Variants in WDFY3 observed in about 807,000 individuals in gnomAD.
The protein encoded by WDFY3 is WD repeat and FYVE domain-containing protein 3.
Under a neutral mutation model 409.6 loss-of-function variants are expected in WDFY3, and 66 were observed. That is an observed-to-expected ratio of 0.16 (90% CI 0.13 to 0.20). The LOEUF (loss-of-function observed/expected upper bound fraction) is 0.20. Ranked by LOEUF, WDFY3 falls within the 10% of genes least tolerant of loss-of-function variation. The pLI, the probability that WDFY3 is intolerant of heterozygous loss-of-function variation, is 1.00. For synonymous variants in WDFY3, 1,521 were observed against 1,537.1 expected (o/e 0.99, Z 0.25); for missense variants, 3,031 against 4,298.1 (o/e 0.71, Z 8.24).
intron 42 of WDFY3, 24 bp from the exon 43 acceptor site, chr4:84,735,144 C>T: frequency 6.3e-7 from 1 of 1,589,838 alleles, no homozygotes; most frequent in Non-Finnish European, 8.6e-7. Flanking sequence ...GAAAAAGAGT[C>T]TTAATATTTC....
At chr4:84,806,694 C>T (rs1464458744) in intron 15 of WDFY3, among the ~76,000 whole-genome samples, 1 of 152,136 alleles carries the variant, frequency 6.6e-6, no homozygotes, top group African/African-American at 2.4e-5. Flanking sequence ...GCAACCTCCG[C>T]CTCCTTCGTT....
intron 3 of WDFY3, among the ~76,000 whole-genome samples, chr4:84,875,662 GT>G (rs897962774): frequency 1.3e-5 from 2 of 152,068 alleles, no homozygotes; most frequent in African/African-American, 4.8e-5. Context: ...GTACAAAAAT[GT>G]TTTTTCTTTA....
chr4:84,677,429 C>T (rs373075989), intron 66 of WDFY3, 33 bp from the exon 67 acceptor site: 66 of 1,533,452 alleles, frequency 4.3e-5, no homozygotes, highest in Non-Finnish European at 5.1e-5. Context: ...GGTCACTGCA[C>T]GGAAGGCTTC....
intron 62 of WDFY3, among the ~76,000 whole-genome samples, chr4:84,687,211 T>C (rs1302066472): frequency 6.6e-6 from 1 of 152,014 alleles, no homozygotes; most frequent in Non-Finnish European, 1.5e-5. Context: ...TGGAGCGATC[T>C]TGGCTCACTG....
chr4:84,924,657 T>C (rs759006017), intron 2 of WDFY3, among the ~76,000 whole-genome samples: 4 of 152,198 alleles, frequency 2.6e-5, no homozygotes, highest in South Asian at 2.1e-4. Flanking sequence ...GTCTGCCTTA[T>C]ACTCAATCCT....
In WDFY3 at chr4:84,841,387, T is replaced by C. The variant is rs1010942683; in HGVS notation, c.305-124A>G. On this transcript the variant is annotated intron_variant, in intron 5 of 67. Coordinates refer to ENST00000295888, the MANE Select transcript of WDFY3 (RefSeq NM_014991.6). Reference sequence around the variant, plus strand: ...ATAATTATATCAGCACTATTACATATAGAAAAACTTTAAAAATAGCAATGT... The same window carrying C: ...ATAATTATATCAGCACTATTACATACAGAAAAACTTTAAAAATAGCAATGT... 2.2e-5 allele frequency: 16 copies of C among 738,278 alleles called. No individual in the cohort carries two copies. The East Asian group carries it at 2.3e-4, about 11-fold the overall frequency. 45.7% of individuals were successfully genotyped at this position (738,278 alleles called of 1,614,324 possible). A position where few individuals can be genotyped will look rare whatever the true frequency, so the allele number is the denominator to read the frequency against.
At position 84,788,540 on chromosome 4, in the gene WDFY3, C is replaced by T. The variant is rs566581352; in HGVS notation, c.3670-827G>A. Among the ~76,000 whole-genome samples the T allele has an allele frequency of 4.6e-5, 7 of 152,280 alleles. No individual in the cohort carries two copies. In the East Asian group the frequency reaches 1.3e-3, roughly 29 times the overall value. The stretch of plus-strand genomic sequence containing the variant: ...AGAATCTACAAACCCATTTCAAATG[C>T]AATCATGTATACAAACAAATCAATG... On this transcript the variant is annotated intron_variant, in intron 22 of 67. Transcript: ENST00000295888.
chr4:84,690,096 T>C (rs1729005892), intron 61 of WDFY3, among the ~76,000 whole-genome samples: 1 of 152,140 alleles, frequency 6.6e-6, no homozygotes, highest in South Asian at 2.1e-4. Flanking sequence ...TATCCTTAAG[T>C]ATATGACAAA....
At chr4:84,876,657 T>C (rs565875254) in intron 3 of WDFY3, among the ~76,000 whole-genome samples, 1 of 152,118 alleles carries the variant, frequency 6.6e-6, no homozygotes, top group Admixed American at 6.6e-5. Flanking sequence ...CCTTAGTTCA[T>C]AGTAAGTGGT....
chr4:84,713,254 A>G lies in WDFY3; in HGVS notation c.7962-15T>C, dbSNP rs1249022775. The stretch of plus-strand genomic sequence containing the variant: ...CAGCCAAAAACCTGAAAAATTTAAA[A>G]TAGCGTAAAATTACAAGTGAAGTCT... On this transcript the variant is annotated splice_polypyrimidine_tract_variant and intron_variant, in intron 50 of 67. Transcript: ENST00000295888. 5.0e-6 allele frequency: 8 copies of G among 1,608,614 alleles called. No individual in the cohort carries two copies. The highest frequency in any genetic ancestry group is 1.1e-5 in the South Asian group (1 of 90,964).
intron 41 of WDFY3, 75 bp downstream of exon 41, chr4:84,737,109 T>C (rs887902302): frequency 6.7e-7 from 1 of 1,499,582 alleles, no homozygotes; most frequent in African/African-American, 1.4e-5. Context: ...AATGCTGTAG[T>C]CACATATTTA....
chr4:84,679,823 T>C (rs1324140871), intron 64 of WDFY3, among the ~76,000 whole-genome samples: 1 of 129,816 alleles, frequency 7.7e-6, no homozygotes, highest in African/African-American at 2.9e-5. Context: ...ATATTCTTCA[T>C]ATATATATAT....
intron 1 of WDFY3, among the ~76,000 whole-genome samples, chr4:84,955,659 G>A (rs188061318): frequency 6.6e-6 from 1 of 152,046 alleles, no homozygotes; most frequent in East Asian, 1.9e-4. Flanking sequence ...TACTATTTTT[G>A]CAACTTCCCA....
At chr4:84,853,199 C>T (rs1759270549) in intron 4 of WDFY3, among the ~76,000 whole-genome samples, 1 of 152,146 alleles carries the variant, frequency 6.6e-6, no homozygotes, top group Non-Finnish European at 1.5e-5. Context: ...AGAGTTTTTG[C>T]TCTTGTTGCC....
At chr4:84,818,677 T>A (rs2149802497) in intron 12 of WDFY3, among the ~76,000 whole-genome samples, 1 of 152,240 alleles carries the variant, frequency 6.6e-6, no homozygotes, top group East Asian at 1.9e-4. Flanking sequence ...CTCCTGGTTG[T>A]CAGTTAGGAC....
chr4:84,705,286 T>C (rs1249765373), intron 54 of WDFY3, 108 bp downstream of exon 54: 16 of 805,260 alleles, frequency 2.0e-5, no homozygotes, highest in Non-Finnish European at 3.3e-5. Context: ...TACATATAGA[T>C]ATGATATATA....
Position 84,810,277 on chromosome 4 carries a change from A to G in WDFY3, c.1955T>C (p.Val652Ala), listed in dbSNP as rs1752266393. ...RTVFRKVGGF[V>A]YITSLLVAME... Reference sequence around the variant, plus strand: ...AGCAACGAGCAAGGATGTAATGTACACAAATCCTCCAACTTTCCTAAAAAC... The same window carrying G: ...AGCAACGAGCAAGGATGTAATGTACGCAAATCCTCCAACTTTCCTAAAAAC... Residue 652 changes from valine to alanine, a missense_variant, in exon 14 of 68, where the codon GTG (valine) becomes GCG (alanine). Coordinates refer to ENST00000295888, the MANE Select transcript of WDFY3 (RefSeq NM_014991.6). 1 of 1,613,886 alleles carries G rather than the reference A, an allele frequency of 6.2e-7. No homozygotes were observed. Among genetic ancestry groups the G allele is most frequent in the Non-Finnish European group, 8.5e-7 (1 of 1,179,990 alleles).
At chr4:84,777,949 G>A (rs1745834269) in intron 27 of WDFY3, among the ~76,000 whole-genome samples, 1 of 152,064 alleles carries the variant, frequency 6.6e-6, no homozygotes, top group African/African-American at 2.4e-5. Flanking sequence ...ACAGTAATAA[G>A]CCAGTAGAAA....
intron 2 of WDFY3, among the ~76,000 whole-genome samples, chr4:84,908,469 A>C (rs980790613): frequency 3.9e-5 from 6 of 152,174 alleles, no homozygotes; most frequent in Non-Finnish European, 7.3e-5. Flanking sequence ...AACCCTCTAA[A>C]CTCAAAAGAA....
Sources: gnomAD v4.1 joint callset for allele counts (sites outside exome capture counted in the v4.1 genomes callset) on GRCh38, gnomAD v4.1.1 for gene constraint, MANE v1.5 for transcripts, NCBI Gene and HGNC (gene_info 2026-07-23, HGNC 2026-07-21) for gene names.